MRTFB: variants seen among roughly 807,000 people sequenced by gnomAD.
MRTFB encodes the protein myocardin related transcription factor B, also known as myocardin-related transcription factor B.
Under a neutral mutation model 104.2 loss-of-function variants are expected in MRTFB, and 29 were observed. The ratio of observed to expected loss-of-function variants is 0.28; its 90% confidence interval spans 0.21 to 0.38. The LOEUF is 0.38. Among genes scored for constraint, MRTFB ranks in the 10% least tolerant of loss-of-function variants. The pLI, the probability that MRTFB is intolerant of heterozygous loss-of-function variation, is 1.00. For synonymous variants in MRTFB, 535 were observed against 519.5 expected, an observed-to-expected ratio of 1.03 and a Z score of -0.41; for missense variants, 1,270 against 1,341.6, an observed-to-expected ratio of 0.95 and a Z score of 0.83.
chr16:14,023,969 TG>T, the MRTFB span, among the ~76,000 whole-genome samples: 1 of 151,888 alleles, frequency 6.6e-6, no homozygotes, highest in Non-Finnish European at 1.5e-5. Context: ...GAGAGTCACT[TG>T]AACCTGGGAG....
the MRTFB span, among the ~76,000 whole-genome samples, chr16:14,065,408 G>A: frequency 7.2e-5 from 11 of 152,262 alleles, no homozygotes; most frequent in African/African-American, 2.6e-4. Flanking sequence ...CTTACAAACA[G>A]GGATAGTCTG....
At chr16:14,080,200 C>T (rs2034313009) in intron 2 of MRTFB, among the ~76,000 whole-genome samples, 1 of 152,182 alleles carries the variant, frequency 6.6e-6, no homozygotes, top group African/African-American at 2.4e-5. Context: ...AGATTATACA[C>T]ATTTAAAATG....
At chr16:14,022,408 C>CT in the MRTFB span, among the ~76,000 whole-genome samples, 64 of 151,600 alleles carry the variant, frequency 4.2e-4, no homozygotes, top group East Asian at 3.7e-3. Flanking sequence ...AAAAGCATTT[C>CT]TTTTTTTTTG....
intron 2 of MRTFB, among the ~76,000 whole-genome samples, chr16:14,110,155 A>G (rs1036516927): frequency 2.4e-4 from 36 of 152,220 alleles, no homozygotes; most frequent in Middle Eastern, 3.2e-3. Context: ...TGGGCTCCCT[A>G]TGAAGGGGCA....
chr16:14,243,877 T>TTTTTTTTTTTTTTTTTTTTTTTTAA, intron 10 of MRTFB, among the ~76,000 whole-genome samples: 1 of 147,730 alleles, frequency 6.8e-6, no homozygotes, highest in South Asian at 2.2e-4. Flanking sequence ...TTTTTTTTTT[T>TTTTTTTTTTTTTTTTTTTTTTTTAA]GAGACAGAGT....
chr16:14,079,604 C>G (rs1242861564), intron 2 of MRTFB, among the ~76,000 whole-genome samples: 1 of 151,998 alleles, frequency 6.6e-6, no homozygotes, highest in African/African-American at 2.4e-5. Flanking sequence ...AAGCATGGTA[C>G]TGAGAAGGAA....
At chr16:14,094,313 A>T (rs1023651343) in intron 2 of MRTFB, among the ~76,000 whole-genome samples, 2 of 152,242 alleles carry the variant, frequency 1.3e-5, no homozygotes, top group Non-Finnish European at 2.9e-5. Flanking sequence ...ATCTAGATTT[A>T]GTTGAATTAA....
At chr16:14,040,019 A>T in the MRTFB span, among the ~76,000 whole-genome samples, 10 of 152,324 alleles carry the variant, frequency 6.6e-5, no homozygotes, top group African/African-American at 2.4e-4. Context: ...AAGTGCTGGG[A>T]TTATAGGCGT....
At chr16:14,139,783 A>T (rs1378563147) in intron 2 of MRTFB, among the ~76,000 whole-genome samples, 1 of 152,244 alleles carries the variant, frequency 6.6e-6, no homozygotes, top group African/African-American at 2.4e-5. Flanking sequence ...ATGAAATGCT[A>T]CTAAATAAGC....
upstream of MRTFB, among the ~76,000 whole-genome samples, chr16:14,068,330 T>C (rs919394056): frequency 6.6e-5 from 10 of 152,208 alleles, no homozygotes; most frequent in Non-Finnish European, 7.3e-5. Flanking sequence ...TCCCTACTCA[T>C]GTTCTTATGT....
At chr16:14,153,035 C>A (rs1335927709) in intron 3 of MRTFB, 1 of 152,018 alleles carries the variant, frequency 6.6e-6, no homozygotes, top group Non-Finnish European at 1.5e-5. Flanking sequence ...AAATAAAATT[C>A]ATGTTATCAT....
the MRTFB span, among the ~76,000 whole-genome samples, chr16:14,008,359 T>C: frequency 6.6e-6 from 1 of 152,246 alleles, no homozygotes; most frequent in Admixed American, 6.5e-5. Context: ...AGGTCTTTGA[T>C]CCATTTTGAA....
chr16:14,022,418 G>T, the MRTFB span, among the ~76,000 whole-genome samples: 1 of 151,244 alleles, frequency 6.6e-6, no homozygotes, highest in African/African-American at 2.4e-5. Flanking sequence ...CTTTTTTTTT[G>T]AGACAGTCTT....
chr16:14,071,151 G>C (rs4781566), upstream of MRTFB, among the ~76,000 whole-genome samples: 1 of 152,064 alleles, frequency 6.6e-6, no homozygotes, highest in African/African-American at 2.4e-5. Flanking sequence ...TCACGGGAGT[G>C]GGCGGAGTGC....
At chr16:14,252,096 G>T in intron 14 of MRTFB, 73 bp downstream of exon 14, 1 of 1,511,832 alleles carries the variant, frequency 6.6e-7, no homozygotes, top group Non-Finnish European at 9.0e-7. Context: ...CTAGTGCTTT[G>T]GGCTTGGAGT....
chr16:14,145,710 A>C (rs1253739126), intron 3 of MRTFB, among the ~76,000 whole-genome samples: 1 of 152,266 alleles, frequency 6.6e-6, no homozygotes, highest in Admixed American at 6.5e-5. Context: ...CCTTTACTAA[A>C]ACAATGCATA....
In MRTFB at chr16:14,265,855, G is replaced by A. The variant is rs1249747528; in HGVS notation, c.*4411G>A. 1.3e-5 allele frequency: 2 copies of A among 152,318 alleles called. No homozygotes were observed. The highest frequency in any genetic ancestry group is 1.3e-4 in the Admixed American group (2 of 15,304). The allele number at this position is 152,318 out of a possible 1,614,324, so 9.4% of individuals were successfully genotyped here. A position where few individuals can be genotyped will look rare whatever the true frequency, so the allele number is the denominator to read the frequency against. ...GGGAATCAAATAAAATATGTTATCA[G>A]AGATATCATCACATCTATAGTGTTT... On this transcript the variant is annotated 3_prime_UTR_variant, in exon 17 of 17. Coordinates refer to ENST00000571589, the MANE Select transcript of MRTFB (RefSeq NM_001308142.2).
intron 2 of MRTFB, among the ~76,000 whole-genome samples, chr16:14,116,708 G>A (rs919539393): frequency 8.5e-5 from 13 of 152,216 alleles, no homozygotes; most frequent in Admixed American, 7.2e-4. Context: ...CCATTGTAAG[G>A]TGTTTAGCAG....
chr16:14,155,776 T>C (rs938508037), intron 3 of MRTFB, among the ~76,000 whole-genome samples: 1 of 152,200 alleles, frequency 6.6e-6, no homozygotes, highest in Admixed American at 6.5e-5. Flanking sequence ...TTGTATGCAC[T>C]CTGGGAAGTA....
Sources: allele counts gnomAD v4.1 joint callset (sites outside exome capture counted in the v4.1 genomes callset), GRCh38; gene constraint gnomAD v4.1.1; transcripts MANE v1.5; gene names NCBI Gene and HGNC (gene_info 2026-07-23, HGNC 2026-07-21).